USP34: variants seen among roughly 807,000 people sequenced by gnomAD.
USP34 encodes ubiquitin carboxyl-terminal hydrolase 34.
Under a neutral mutation model 460.3 loss-of-function variants are expected in USP34, and 70 were observed. That is an observed-to-expected ratio of 0.15 (90% CI 0.13 to 0.19). USP34 has a LOEUF of 0.19. USP34 is among the 10% of genes least tolerant of loss of function. The pLI is 1.00. For synonymous variants in USP34, 1,647 were observed against 1,405.3 expected, an observed-to-expected ratio of 1.17 and a Z score of -3.85; for missense variants, 3,985 against 4,236.2, an observed-to-expected ratio of 0.94 and a Z score of 1.65.
intron 61 of USP34, among the ~76,000 whole-genome samples, chr2:61,228,357 A>G (rs1217464943): frequency 6.6e-6 from 1 of 152,220 alleles, no homozygotes; most frequent in African/African-American, 2.4e-5. Context: ...ATGTTCACAA[A>G]AACAATTCAC....
Position 61,307,112 on chromosome 2 carries a change from A to C in USP34, c.3817+4428T>G, listed in dbSNP as rs545386089. Among the ~76,000 whole-genome samples the C allele has an allele frequency of 2.2e-3, 331 of 152,278 alleles. 1 individual carries two copies. Among genetic ancestry groups the C allele is most frequent in the African/African-American group, 7.5e-3 (311 of 41,556 alleles). On this transcript the variant is annotated intron_variant, in intron 27 of 79. Coordinates refer to ENST00000398571, the MANE Select transcript of USP34 (RefSeq NM_014709.4). ...TGGATTAAGAAAATGTGGCACATATACACCATGGAATACTATGCAGCCATA... is the reference window on the plus strand; with the variant it reads ...TGGATTAAGAAAATGTGGCACATATCCACCATGGAATACTATGCAGCCATA...
At chr2:61,228,525 T>C in intron 61 of USP34, 120 bp downstream of exon 61, 1 of 768,270 alleles carries the variant, frequency 1.3e-6, no homozygotes, top group South Asian at 2.2e-5. Context: ...ACCCTTCATA[T>C]TATCTAACAC....
At chr2:61,331,407 G>A (rs1290280079) in intron 19 of USP34, 36 bp from the exon 20 acceptor site, 1 of 1,557,964 alleles carries the variant, frequency 6.4e-7, no homozygotes, top group East Asian at 2.3e-5. Flanking sequence ...TTTTAAAGTG[G>A]GCAGGGTAAG....
Position 61,378,394 on chromosome 2 carries a change from T to G in USP34, c.1045A>C (p.Asn349His), listed in dbSNP as rs1692859729. 1 of 1,598,152 alleles carries G rather than the reference T, an allele frequency of 6.3e-7. No homozygotes were observed. Among genetic ancestry groups the G allele is most frequent in the Non-Finnish European group, 8.5e-7 (1 of 1,175,082 alleles). Residue 349 changes from asparagine (N) to histidine (H), a missense_variant, in exon 8 of 80, where the codon AAT becomes CAT. Asn to His is a moderately conservative substitution (Grantham distance 68, BLOSUM62 1). Coordinates refer to ENST00000398571, the MANE Select transcript of USP34 (RefSeq NM_014709.4). ...GTGTCCGATACTAATGATTCATTAT[T>G]GCACACATCATTGAAGGTATGGAGT... is the stretch of plus-strand genomic sequence containing the variant. ...NQLHTFNDVC[N>H]NESLVSDTET...
At chr2:61,440,305 CCCTGGTGGT>C (rs780786807) in intron 1 of USP34, among the ~76,000 whole-genome samples, 6 of 152,104 alleles carry the variant, frequency 3.9e-5, no homozygotes, top group Non-Finnish European at 7.4e-5. Flanking sequence ...ATCCCTGCCT[CCCTGGTGGT>C]CCTGCTGGAG....
chr2:61,372,397 A>C (rs1239091514), intron 8 of USP34, among the ~76,000 whole-genome samples: 4 of 152,200 alleles, frequency 2.6e-5, no homozygotes, highest in Non-Finnish European at 5.9e-5. Context: ...CATTTCTAAA[A>C]AAAATTCCAC....
intron 1 of USP34, among the ~76,000 whole-genome samples, chr2:61,427,662 G>A (rs1245371845): frequency 6.6e-6 from 1 of 152,176 alleles, no homozygotes; most frequent in Non-Finnish European, 1.5e-5. Flanking sequence ...GACTCCAGCA[G>A]AAATTCTGGA....
At chr2:61,425,965 A>T (rs1301024309) in intron 1 of USP34, among the ~76,000 whole-genome samples, 1 of 151,820 alleles carries the variant, frequency 6.6e-6, no homozygotes, top group African/African-American at 2.4e-5. Flanking sequence ...CACCGCTCAG[A>T]GTCATGAGGT....
chr2:61,280,875 G>C (rs371295024), intron 38 of USP34, among the ~76,000 whole-genome samples: 34 of 152,124 alleles, frequency 2.2e-4, no homozygotes, highest in Admixed American at 1.6e-3. Context: ...ATCCATGAGA[G>C]ACCACAGAGC....
At chr2:61,468,587 G>C (rs1695855288) in intron 1 of USP34, among the ~76,000 whole-genome samples, 1 of 152,202 alleles carries the variant, frequency 6.6e-6, no homozygotes, top group Non-Finnish European at 1.5e-5. Flanking sequence ...TATTTTTAGA[G>C]TCCACTGGCT....
intron 6 of USP34, among the ~76,000 whole-genome samples, chr2:61,381,632 T>C (rs1306257046): frequency 6.6e-6 from 1 of 152,176 alleles, no homozygotes; most frequent in Non-Finnish European, 1.5e-5. Flanking sequence ...CCACCATGCC[T>C]GGCTGGCTAT....
intron 1 of USP34, among the ~76,000 whole-genome samples, chr2:61,450,835 T>G (rs968640535): frequency 1.4e-5 from 2 of 147,276 alleles, no homozygotes; most frequent in Non-Finnish European, 3.0e-5. Flanking sequence ...TTACCCCACT[T>G]ATAAACATAA....
At chr2:61,271,275 A>G (rs1032918836) in intron 41 of USP34, among the ~76,000 whole-genome samples, 6 of 152,188 alleles carry the variant, frequency 3.9e-5, no homozygotes, top group Admixed American at 3.3e-4. Context: ...CTGCACTCCA[A>G]CCTGGGTGAA....
At chr2:61,434,852 G>C (rs1487692083) in intron 1 of USP34, among the ~76,000 whole-genome samples, 3 of 151,968 alleles carry the variant, frequency 2.0e-5, no homozygotes, top group Non-Finnish European at 2.9e-5. Flanking sequence ...AAGGCAAACA[G>C]TATAATTCTC....
chr2:61,428,835 A>T (rs891040646), intron 1 of USP34, among the ~76,000 whole-genome samples: 10 of 152,196 alleles, frequency 6.6e-5, no homozygotes, highest in African/African-American at 2.2e-4. Flanking sequence ...AGAGAAAAGA[A>T]TTATGTATTG....
At chr2:61,254,462 T>G (rs1361931508) in intron 48 of USP34, among the ~76,000 whole-genome samples, 1 of 152,272 alleles carries the variant, frequency 6.6e-6, no homozygotes, top group African/African-American at 2.4e-5. Context: ...CTGTTCCATG[T>G]GAATACACTA....
intron 29 of USP34, 144 bp downstream of exon 29, chr2:61,300,807 A>G: frequency 1.7e-6 from 1 of 601,346 alleles, no homozygotes. Context: ...AAAAAAGAAA[A>G]CAAAAAAAAA....
At chr2:61,429,271 C>T (rs1464622088) in intron 1 of USP34, among the ~76,000 whole-genome samples, 1 of 151,914 alleles carries the variant, frequency 6.6e-6, no homozygotes, top group Non-Finnish European at 1.5e-5. Flanking sequence ...CAAGGTGAAA[C>T]CCCGTCTCTA....
intron 1 of USP34, among the ~76,000 whole-genome samples, chr2:61,442,164 A>G (rs1466786473): frequency 2.0e-5 from 3 of 152,208 alleles, no homozygotes; most frequent in Non-Finnish European, 2.9e-5. Context: ...GACTACTAGA[A>G]CAAAACAGGG....
Sources: allele counts gnomAD v4.1 joint callset (sites outside exome capture counted in the v4.1 genomes callset), GRCh38; gene constraint gnomAD v4.1.1; transcripts MANE v1.5; gene names NCBI Gene and HGNC (gene_info 2026-07-23, HGNC 2026-07-21).